The following GNAS variants were observed in gnomAD, a reference collection of about 807,000 sequenced individuals.
GNAS encodes the protein protein ALEX.
In GNAS, 8 loss-of-function variants were observed where a neutral mutation model predicts 54.5. That is an observed-to-expected ratio of 0.15 (90% CI 0.09 to 0.26). GNAS has a LOEUF of 0.26. Ranked by LOEUF, GNAS falls within the 10% of genes least tolerant of loss-of-function variation. GNAS has a pLI of 1.00. For synonymous variants in GNAS, 204 were observed against 191.4 expected (o/e 1.07, Z -0.54); for missense variants, 170 against 529.8 (o/e 0.32, Z 6.67).
At chr20:58,884,366 C>G (rs866685944) in intron 1 of GNAS, 4 of 152,238 alleles carry the variant, frequency 2.6e-5, no homozygotes, top group Middle Eastern at 6.8e-3. Context: ...TGAAAAAAAC[C>G]CTAAAATCTT....
At position 58,895,266 on chromosome 20, in the gene GNAS, A is replaced by G. The variant is rs1271155675; in HGVS notation, c.140-346A>G. On this transcript the variant is annotated intron_variant, in intron 1 of 12. Transcript: ENST00000371085. ...ATTCAGTTTCACAGTTTTAACTTCA[A>G]TTTTCTTGTTTACCCCACAAATGAC... is the stretch of plus-strand genomic sequence containing the variant. The G allele has an allele frequency of 3.6e-5, 13 of 364,068 alleles. 1 individual carries two copies. Among genetic ancestry groups the G allele is most frequent in the South Asian group, 9.3e-5 (4 of 43,094 alleles). The allele number at this position is 364,068 out of a possible 1,614,324, so 22.6% of individuals were successfully genotyped here.
At chr20:58,892,100 CT>C in intron 1 of GNAS, 1 of 968,724 alleles carries the variant, frequency 1.0e-6, no homozygotes, top group Non-Finnish European at 1.2e-6. Flanking sequence ...GCGGGTCCCC[CT>C]CCCCCGGCCT....
At chr20:58,889,102 T>C (rs1192257208), upstream of GNAS, 2 of 1,100,002 alleles carry the variant, frequency 1.8e-6, no homozygotes, top group African/African-American at 1.7e-5. Flanking sequence ...TAGGGGCCGC[T>C]GCTATGGGTC....
chr20:58,866,940 G>C (rs772534166), intron 1 of GNAS, among the ~76,000 whole-genome samples: 69 of 152,206 alleles, frequency 4.5e-4, no homozygotes, highest in Admixed American at 1.0e-3. Context: ...TTTAGGGGAA[G>C]GTGTAGAAAT....
rs1265773443 is a variant in GNAS, at chr20:58,891,514, G to T, written c.-213G>T. ...GCTCGAGGGGCGGGGAGCTGCGCGC[G>T]CCCCTCGGTCCGACCGACACCCTCC... is the stretch of plus-strand genomic sequence containing the variant. On this transcript the variant is annotated 5_prime_UTR_variant, in exon 1 of 13. Coordinates refer to ENST00000371085, the MANE Select transcript of GNAS (RefSeq NM_000516.7). The T allele has an allele frequency of 3.6e-5, 35 of 974,428 alleles. No homozygotes were observed. Among genetic ancestry groups the T allele is most frequent in the Non-Finnish European group, 3.5e-5 (29 of 823,156 alleles). The allele number at this position is 974,428 out of a possible 1,614,324, so 60.4% of individuals were successfully genotyped here. A position where few individuals can be genotyped will look rare whatever the true frequency, so the allele number is the denominator to read the frequency against.
intron 5 of GNAS, 24 bp from the exon 6 acceptor site, chr20:58,905,359 A>C (rs1452060924): frequency 7.3e-7 from 1 of 1,370,576 alleles, no homozygotes; most frequent in South Asian, 1.2e-5. Context: ...GCCTTTCTCT[A>C]AACTTTCTTG....
chr20:58,850,749 C>G, intron 1 of GNAS: 2 of 398,856 alleles, frequency 5.0e-6, no homozygotes, highest in Non-Finnish European at 8.8e-6. Flanking sequence ...CCACCTCTCC[C>G]CCGAGGCTCG....
chr20:58,845,315 C>A (rs1183457348), intron 1 of GNAS, among the ~76,000 whole-genome samples: 1 of 152,102 alleles, frequency 6.6e-6, no homozygotes, highest in African/African-American at 2.4e-5. Context: ...GTTTTCTCAA[C>A]CTTTGTTTTT....
rs1256456605 is a variant in GNAS at position 58,898,769 on chromosome 20, C to T, written c.213-172C>T. On this transcript the variant is annotated intron_variant, in intron 2 of 12. Coordinates refer to ENST00000371085, the MANE Select transcript of GNAS (RefSeq NM_000516.7). ...ATGGCCTGCAGTCTCAGTGGATGTT[C>T]CAATTTAGCCAGAAAGGCGACCTAA... 9.8e-6 allele frequency: 7 copies of T among 716,340 alleles called. No individual in the cohort carries two copies. In the East Asian group the frequency reaches 1.8e-4, roughly 18 times the overall value. The allele number at this position is 716,340 out of a possible 1,614,324, so 44.4% of individuals were successfully genotyped here.
intron 1 of GNAS, among the ~76,000 whole-genome samples, chr20:58,878,520 A>T (rs558199625): frequency 6.6e-6 from 1 of 152,288 alleles, no homozygotes; most frequent in African/African-American, 2.4e-5. Flanking sequence ...GCAGAATCTT[A>T]TGGGAGGAGG....
At chr20:58,899,605 A>G in intron 3 of GNAS, 1 of 580,872 alleles carries the variant, frequency 1.7e-6, no homozygotes, top group Middle Eastern at 3.8e-4. Context: ...TTTTCCATTC[A>G]TTATCAAATT....
At chr20:58,870,849 G>A (rs149436843) in intron 1 of GNAS, among the ~76,000 whole-genome samples, 6 of 152,208 alleles carry the variant, frequency 3.9e-5, no homozygotes, top group African/African-American at 9.6e-5. Context: ...TTGGCCGGGC[G>A]CCTTTTCTTC....
At chr20:58,888,196 A>T (rs573779364), upstream of GNAS, among the ~76,000 whole-genome samples, 1 of 152,166 alleles carries the variant, frequency 6.6e-6, no homozygotes, top group Non-Finnish European at 1.5e-5. Context: ...TGGACTTTGC[A>T]TATCTGGGCT....
intron 1 of GNAS, among the ~76,000 whole-genome samples, chr20:58,886,126 G>A (rs2088571887): frequency 6.6e-6 from 1 of 152,172 alleles, no homozygotes; most frequent in African/African-American, 2.4e-5. Flanking sequence ...TCAGAAAGGA[G>A]GATACCCAGG....
rs1298041639 is a variant in GNAS at position 58,909,876 on chromosome 20, C to T, written c.839+72C>T. On this transcript the variant is annotated intron_variant, in intron 10 of 12. Transcript: ENST00000371085. The surrounding 1 kb of genome is among the most constrained non-coding windows in gnomAD (Gnocchi z 7.3). ...GGTCTGCACTGTTTATAGAGAAGAACCCCGTGCAAGCATTCCAGACCCCTG... is the reference window on the plus strand; with the variant it reads ...GGTCTGCACTGTTTATAGAGAAGAATCCCGTGCAAGCATTCCAGACCCCTG... 3.1e-6 allele frequency: 5 copies of T among 1,612,252 alleles called. No individual in the cohort carries two copies. In the South Asian group the frequency reaches 5.5e-5, roughly 18 times the overall value.
At chr20:58,893,074 T>TC (rs1476693172) in intron 1 of GNAS, among the ~76,000 whole-genome samples, 4 of 67,638 alleles carry the variant, frequency 5.9e-5, no homozygotes, top group Admixed American at 2.0e-4. Flanking sequence ...TTCTTTTTTT[T>TC]TTTTTTTTTT....
chr20:58,842,479 C>T (rs1467324408), intron 1 of GNAS: 2 of 398,602 alleles, frequency 5.0e-6, no homozygotes, highest in Non-Finnish European at 4.4e-6. Flanking sequence ...AAAGGCGTCG[C>T]GGCGCCCAAG....
intron 1 of GNAS, chr20:58,842,150 C>T (rs1369149072): frequency 2.5e-6 from 1 of 398,806 alleles, no homozygotes; most frequent in Middle Eastern, 6.2e-4. Context: ...TCTGATGACC[C>T]AGCACAAAAA....
chr20:58,840,469 C>G (rs1568907867), upstream of GNAS: 2 of 1,613,434 alleles, frequency 1.2e-6, no homozygotes, highest in African/African-American at 2.7e-5. This position sits in a 1 kb window ranked among gnomAD's most constrained non-coding sequence, Gnocchi z 6.0. Context: ...AAATCGAGTC[C>G]GAGACCGACT....
Sources: allele counts gnomAD v4.1 joint callset (sites outside exome capture counted in the v4.1 genomes callset), GRCh38; gene constraint gnomAD v4.1.1; non-coding constraint Gnocchi (gnomAD v3.1); transcripts MANE v1.5; gene names NCBI Gene and HGNC (gene_info 2026-07-23, HGNC 2026-07-21).